Variants in RNF157 observed in about 807,000 individuals in gnomAD.
RNF157 encodes ring finger protein 157.
RNF157 carries 55 observed loss-of-function variants against 88.3 expected under a neutral mutation model. The observed-to-expected ratio is 0.62, with a 90% CI of 0.50 to 0.78. The LOEUF (loss-of-function observed/expected upper bound fraction) is 0.78. Ranked by LOEUF, RNF157 falls within the 30% of genes least tolerant of loss-of-function variation. RNF157 has a pLI of 0.00. For synonymous variants in RNF157, 334 were observed against 341.2 expected (o/e 0.98, Z 0.23); for missense variants, 788 against 860.8 (o/e 0.92, Z 1.06).
At position 76,201,550 on chromosome 17, in the gene RNF157, G is replaced by A. The variant is rs2069578803; in HGVS notation, c.207+10814C>T. 3.3e-5 allele frequency among the ~76,000 whole-genome samples: 5 copies of A among 151,992 alleles called. No homozygotes were observed. In the South Asian group the frequency reaches 1.0e-3, roughly 32 times the overall value. On this transcript the variant is annotated intron_variant, in intron 2 of 18. Coordinates refer to ENST00000269391, the MANE Select transcript of RNF157 (RefSeq NM_052916.3). ...GAAAATTTTAGAAAATATGAATTAAGAAGTGAATACCCCCCTTCTTGATAT... is the reference window on the plus strand; with the variant it reads ...GAAAATTTTAGAAAATATGAATTAAAAAGTGAATACCCCCCTTCTTGATAT...
intron 2 of RNF157, 97 bp from the exon 3 acceptor site, chr17:76,173,887 G>C (rs2069060545): frequency 4.2e-6 from 4 of 952,004 alleles, no homozygotes; most frequent in Non-Finnish European, 6.5e-6. Context: ...TAAGAGGTGA[G>C]GCAGGAAGGC....
chr17:76,183,487 CTA>C (rs2069231655), intron 2 of RNF157, among the ~76,000 whole-genome samples: 1 of 151,856 alleles, frequency 6.6e-6, no homozygotes, highest in Non-Finnish European at 1.5e-5. Flanking sequence ...TAGGGTCTTG[CTA>C]TGTTTCCATG....
At chr17:76,210,390 A>G (rs180838335) in intron 2 of RNF157, among the ~76,000 whole-genome samples, 21 of 151,590 alleles carry the variant, frequency 1.4e-4, no homozygotes, top group South Asian at 6.2e-4. Flanking sequence ...TCAGATCGAG[A>G]CCATCCTGGC....
At position 76,144,696 on chromosome 17, in the gene RNF157, T is replaced by C. The variant is rs2068559666; in HGVS notation, c.*539A>G. ...AGGATTGTTTCCTTCAACCAACCTT[T>C]TGGTTGCTACCATTTCTTGTCCTTG... On this transcript the variant is annotated 3_prime_UTR_variant, in exon 19 of 19. Coordinates refer to ENST00000269391, the MANE Select transcript of RNF157 (RefSeq NM_052916.3). 2 of 152,326 alleles carry C rather than the reference T, an allele frequency of 1.3e-5. No individual in the cohort carries two copies. Among genetic ancestry groups the C allele is most frequent in the Non-Finnish European group, 2.9e-5 (2 of 68,110 alleles). The allele number at this position is 152,326 out of a possible 1,614,324, so 9.4% of individuals were successfully genotyped here.
intron 2 of RNF157, among the ~76,000 whole-genome samples, chr17:76,174,163 C>T (rs917516922): frequency 6.6e-6 from 1 of 152,048 alleles, no homozygotes. Flanking sequence ...TGACCTCAGA[C>T]GACAGGGAAC....
chr17:76,185,469 T>A (rs2069265666), intron 2 of RNF157, among the ~76,000 whole-genome samples: 1 of 147,146 alleles, frequency 6.8e-6, no homozygotes, highest in African/African-American at 2.6e-5. Context: ...CAGAGATTAG[T>A]CCTTTCTTTT....
intron 18 of RNF157, chr17:76,147,154 A>C: frequency 8.1e-6 from 8 of 984,998 alleles, no homozygotes; most frequent in Non-Finnish European, 9.6e-6. Context: ...TGGTGGCACT[A>C]TGTGTCTAAG....
At chr17:76,226,732 C>A in intron 1 of RNF157, 2 of 1,609,072 alleles carry the variant, frequency 1.2e-6, no homozygotes, top group Non-Finnish European at 1.7e-6. Flanking sequence ...CTTCAGCCCC[C>A]AAACCCGACT....
At chr17:76,194,737 CG>C (rs2069444394) in intron 2 of RNF157, among the ~76,000 whole-genome samples, 1 of 152,038 alleles carries the variant, frequency 6.6e-6, no homozygotes, top group South Asian at 2.1e-4. Context: ...AAGAGCAGGC[CG>C]GGCACGGTGG....
rs139884477 is a variant in RNF157, at chr17:76,155,666, C to T, written c.1594G>A (p.Val532Ile). 105 of 1,613,294 alleles carry T rather than the reference C, an allele frequency of 6.5e-5. No individual in the cohort carries two copies. Among genetic ancestry groups the T allele is most frequent in the Middle Eastern group, 1.7e-4 (1 of 6,048 alleles). Residue 532 changes from valine to isoleucine, a missense_variant, in exon 15 of 19, where the codon GTC (valine) becomes ATC (isoleucine). By Grantham distance (29) the Val-to-Ile change is conservative. Transcript: ENST00000269391. Reference protein sequence around the residue: ...MASSQISTDTVSSMSGSYIAP... With the variant: ...MASSQISTDTISSMSGSYIAP... Reference sequence around the variant, plus strand: ...ATGTAGGAGCCAGACATGGAGGAGACGGTGTCAGTGCTGATCTGGGAGGAT... The same window carrying T: ...ATGTAGGAGCCAGACATGGAGGAGATGGTGTCAGTGCTGATCTGGGAGGAT...
At chr17:76,154,217 A>G in intron 17 of RNF157, 66 bp downstream of exon 17, 7 of 1,177,040 alleles carry the variant, frequency 5.9e-6, no homozygotes, top group Non-Finnish European at 8.9e-6. Context: ...CCTTTTCTTT[A>G]CCCCTTAAAG....
At position 76,158,385 on chromosome 17, in the gene RNF157, T is replaced by C; in HGVS notation, c.1413+8A>G. ...AACACCCAAGAAGAGGAGAGGAATGTCAATTACCTCTCCGAGATGCTGAAC... is the reference window on the plus strand; with the variant it reads ...AACACCCAAGAAGAGGAGAGGAATGCCAATTACCTCTCCGAGATGCTGAAC... On this transcript the variant is annotated splice_region_variant and intron_variant, in intron 13 of 18. Transcript: ENST00000269391. 1 of 1,593,456 alleles carries C rather than the reference T, an allele frequency of 6.3e-7. No individual in the cohort carries two copies. Among genetic ancestry groups the C allele is most frequent in the Non-Finnish European group, 8.6e-7 (1 of 1,161,988 alleles).
intron 12 of RNF157, 60 bp from the exon 13 acceptor site, chr17:76,158,561 C>T: frequency 8.2e-7 from 1 of 1,212,284 alleles, no homozygotes. Context: ...ACAGAACTTA[C>T]TGCAAGGGGA....
intron 2 of RNF157, among the ~76,000 whole-genome samples, chr17:76,210,442 T>C (rs995814172): frequency 2.6e-5 from 4 of 151,144 alleles, no homozygotes; most frequent in African/African-American, 4.9e-5. Context: ...TACAAAAAAT[T>C]AGCCGGGTGT....
chr17:76,207,154 AC>A (rs1317436473), intron 2 of RNF157, among the ~76,000 whole-genome samples: 2 of 152,142 alleles, frequency 1.3e-5, no homozygotes, highest in Admixed American at 1.3e-4. Context: ...GGTGGCTCAC[AC>A]CTGCAATCCC....
At chr17:76,206,085 G>T (rs1289211383) in intron 2 of RNF157, among the ~76,000 whole-genome samples, 1 of 152,046 alleles carries the variant, frequency 6.6e-6, no homozygotes, top group Admixed American at 6.5e-5. Context: ...TTTTTAAAAA[G>T]CCAGGCATGG....
intron 5 of RNF157, 44 bp downstream of exon 5, chr17:76,166,962 AGGC>A: frequency 7.4e-7 from 1 of 1,352,654 alleles, no homozygotes; most frequent in Non-Finnish European, 1.0e-6. Context: ...AGTAGCCCCT[AGGC>A]CCTTCTGAGT....
intron 2 of RNF157, among the ~76,000 whole-genome samples, chr17:76,200,295 T>C (rs2069553251): frequency 6.6e-6 from 1 of 151,918 alleles, no homozygotes; most frequent in Admixed American, 6.6e-5. Context: ...ATTTCTTCCC[T>C]AGCCCAATAG....
At chr17:76,154,580 A>G in intron 16 of RNF157, 1 of 443,272 alleles carries the variant, frequency 2.3e-6, no homozygotes, top group Non-Finnish European at 4.0e-6. Context: ...TGTCAGGAAC[A>G]CCCTTGTTAA....
Sources: gnomAD v4.1 joint callset for allele counts (sites outside exome capture counted in the v4.1 genomes callset) on GRCh38, gnomAD v4.1.1 for gene constraint, MANE v1.5 for transcripts, NCBI Gene and HGNC (gene_info 2026-07-23, HGNC 2026-07-21) for gene names.